PRKCI: variants seen among roughly 807,000 people sequenced by gnomAD.
The protein encoded by PRKCI is protein kinase C iota, also known as protein kinase C iota type.
PRKCI carries 43 observed loss-of-function variants against 84.0 expected under a neutral mutation model. The observed-to-expected ratio is 0.51, with a 90% confidence interval of 0.40 to 0.66. PRKCI has a LOEUF of 0.66. Among genes scored for constraint, PRKCI ranks in the 30% least tolerant of loss-of-function variants. PRKCI has a pLI of 0.00. For synonymous variants in PRKCI, 216 were observed against 234.4 expected, an observed-to-expected ratio of 0.92 and a Z score of 0.72; for missense variants, 459 against 745.6, an observed-to-expected ratio of 0.62 and a Z score of 4.48.
intron 2 of PRKCI, among the ~76,000 whole-genome samples, chr3:170,242,018 A>C (rs1178106683): frequency 6.6e-6 from 1 of 152,172 alleles, no homozygotes; most frequent in East Asian, 1.9e-4. Context: ...CTAAGGTAGG[A>C]GAATTGCTTG....
intron 2 of PRKCI, among the ~76,000 whole-genome samples, chr3:170,246,711 T>C (rs1391174157): frequency 1.3e-5 from 2 of 152,168 alleles, no homozygotes; most frequent in African/African-American, 4.8e-5. Context: ...AAGTGTACAG[T>C]TCAGTGGTAT....
chr3:170,260,951 C>CT (rs999045513), intron 3 of PRKCI, among the ~76,000 whole-genome samples: 3 of 151,074 alleles, frequency 2.0e-5, no homozygotes, highest in East Asian at 1.9e-4. Context: ...TCATGTAAAA[C>CT]TTTTTTTTTG....
rs1207318994 is a variant in PRKCI, at chr3:170,304,662, T to C, written c.*1535T>C. 6.6e-6 allele frequency: 1 copy of C among 152,076 alleles called. No individual in the cohort carries two copies. The highest frequency in any genetic ancestry group is 2.4e-5 in the African/African-American group (1 of 41,410). 9.4% of individuals were successfully genotyped at this position (152,076 alleles called of 1,614,324 possible). A position where few individuals can be genotyped will look rare whatever the true frequency, so the allele number is the denominator to read the frequency against. On this transcript the variant is annotated 3_prime_UTR_variant, in exon 18 of 18. Transcript: ENST00000295797. ...AGTAGAATACATTTCAGAGGCAGAG[T>C]TCCTCGGATTATTTTTTATGGATAT... is the stretch of plus-strand genomic sequence containing the variant.
At chr3:170,296,496 G>A (rs544008735) in intron 15 of PRKCI, among the ~76,000 whole-genome samples, 1 of 152,156 alleles carries the variant, frequency 6.6e-6, no homozygotes, top group East Asian at 1.9e-4. Context: ...TCAATTGTTT[G>A]TTGCTGTTGG....
At chr3:170,225,944 G>A (rs1299045015) in intron 1 of PRKCI, among the ~76,000 whole-genome samples, 1 of 150,792 alleles carries the variant, frequency 6.6e-6, no homozygotes, top group Non-Finnish European at 1.5e-5. Flanking sequence ...ATGGAGTCTC[G>A]CTCTGTCACC....
intron 1 of PRKCI, among the ~76,000 whole-genome samples, chr3:170,223,659 G>A (rs1311098179): frequency 6.6e-6 from 1 of 152,098 alleles, no homozygotes; most frequent in African/African-American, 2.4e-5. Context: ...CATTAGAAAC[G>A]TGAAATGTTA....
At chr3:170,245,949 G>GTTTTTTTTTT (rs112482352) in intron 2 of PRKCI, among the ~76,000 whole-genome samples, 25 of 82,442 alleles carry the variant, frequency 3.0e-4, no homozygotes, top group African/African-American at 6.4e-4. Flanking sequence ...TTATGTCTTT[G>GTTTTTTTTTT]TTTTTTTTTT....
intron 17 of PRKCI, among the ~76,000 whole-genome samples, chr3:170,302,327 T>C (rs1391254092): frequency 6.6e-6 from 1 of 152,216 alleles, no homozygotes. Flanking sequence ...CACCTTTCTT[T>C]AGAACCATGG....
At chr3:170,299,248 A>T (rs571551758) in intron 17 of PRKCI, 138 bp downstream of exon 17, 21 of 426,736 alleles carry the variant, frequency 4.9e-5, no homozygotes, top group African/African-American at 4.2e-4. Flanking sequence ...TTATTTTGAG[A>T]TGGAGTCTCG....
intron 2 of PRKCI, among the ~76,000 whole-genome samples, chr3:170,240,361 CTTA>C (rs2108839433): frequency 6.6e-6 from 1 of 151,960 alleles, no homozygotes; most frequent in East Asian, 1.9e-4. Flanking sequence ...ATGCAACAGT[CTTA>C]TTATAATGCA....
intron 11 of PRKCI, 131 bp from the exon 12 acceptor site, chr3:170,284,330 A>G (rs1485096384): frequency 1.3e-6 from 1 of 767,690 alleles, no homozygotes; most frequent in Non-Finnish European, 2.0e-6. Flanking sequence ...ACTTCAGTTC[A>G]TTTTTCAAAT....
chr3:170,268,926 T>TA (rs1733932013), intron 5 of PRKCI, among the ~76,000 whole-genome samples: 1 of 152,160 alleles, frequency 6.6e-6, no homozygotes, highest in South Asian at 2.1e-4. Flanking sequence ...ATTTTTTTTT[T>TA]ATTTTAAAGA....
intron 8 of PRKCI, among the ~76,000 whole-genome samples, chr3:170,279,626 G>T (rs924604230): frequency 1.3e-5 from 2 of 152,098 alleles, no homozygotes; most frequent in African/African-American, 4.8e-5. Flanking sequence ...AAGGGGTCTT[G>T]GTATTCTGTG....
chr3:170,259,438 G>A (rs376676586), intron 2 of PRKCI, among the ~76,000 whole-genome samples: 1 of 152,112 alleles, frequency 6.6e-6, no homozygotes, highest in Admixed American at 6.6e-5. Flanking sequence ...ACCTCATGTG[G>A]TATTTTTATG....
intron 3 of PRKCI, among the ~76,000 whole-genome samples, chr3:170,261,953 C>T (rs1439785145): frequency 6.6e-6 from 1 of 152,150 alleles, no homozygotes; most frequent in African/African-American, 2.4e-5. Flanking sequence ...ATTAAACAGT[C>T]AGTTTTAAGT....
At chr3:170,249,766 C>T (rs1224424985) in intron 2 of PRKCI, among the ~76,000 whole-genome samples, 1 of 149,360 alleles carries the variant, frequency 6.7e-6, no homozygotes, top group Non-Finnish European at 1.5e-5. Context: ...CACTGCATTC[C>T]AGCTTAGACA....
At chr3:170,257,290 C>G (rs1577353674) in intron 2 of PRKCI, among the ~76,000 whole-genome samples, 1 of 152,126 alleles carries the variant, frequency 6.6e-6, no homozygotes, top group Admixed American at 6.5e-5. Context: ...TTGTCAGGGA[C>G]TGCAAGAGAG....
rs1415116025 is a variant in PRKCI at position 170,304,887 on chromosome 3, A to G, written c.*1760A>G. The G allele has an allele frequency of 6.6e-6, 1 of 152,190 alleles. No individual in the cohort carries two copies. The allele number at this position is 152,190 out of a possible 1,614,324, so 9.4% of individuals were successfully genotyped here. On this transcript the variant is annotated 3_prime_UTR_variant, in exon 18 of 18. Coordinates refer to ENST00000295797, the MANE Select transcript of PRKCI (RefSeq NM_002740.6). Reference sequence around the variant, plus strand: ...AATGTTTTAAAATTTGTAGGCATTTAATAAATTATCTTTTTTTGGAGGGGT... The same window carrying G: ...AATGTTTTAAAATTTGTAGGCATTTGATAAATTATCTTTTTTTGGAGGGGT...
intron 2 of PRKCI, among the ~76,000 whole-genome samples, chr3:170,247,496 A>G (rs1456634229): frequency 6.6e-6 from 1 of 151,560 alleles, no homozygotes; most frequent in Non-Finnish European, 1.5e-5. Context: ...TTTGGGAGGC[A>G]GAGGCGGGCG....
Sources: gnomAD v4.1 joint callset for allele counts (sites outside exome capture counted in the v4.1 genomes callset) on GRCh38, gnomAD v4.1.1 for gene constraint, MANE v1.5 for transcripts, NCBI Gene and HGNC (gene_info 2026-07-23, HGNC 2026-07-21) for gene names.